REM1: variants seen among roughly 807,000 people sequenced by gnomAD.
REM1 encodes the protein GTP-binding protein REM 1.
Under a neutral mutation model 27.0 loss-of-function variants are expected in REM1, and 20 were observed. That is an observed-to-expected ratio of 0.74 (90% CI 0.52 to 1.08). REM1 has a LOEUF of 1.08. Ranked by LOEUF, REM1 falls within the 50% of genes least tolerant of loss-of-function variation. The pLI is 0.00. For missense variants in REM1, 405 were observed against 407.0 expected, an observed-to-expected ratio of 1.00 and a Z score of 0.04; for synonymous variants, 159 against 167.9, an observed-to-expected ratio of 0.95 and a Z score of 0.41.
intron 2 of REM1, 74 bp from the exon 3 acceptor site, chr20:31,477,754 T>C: frequency 9.0e-7 from 1 of 1,105,410 alleles, no homozygotes; most frequent in East Asian, 2.5e-5. Flanking sequence ...TGACCAGAAA[T>C]GGGGGGCAGG....
In REM1 at chr20:31,476,598, C is replaced by T. The variant is rs1457755856; in HGVS notation, c.153C>T (p.Ser51=). 3 of 1,614,018 alleles carry T rather than the reference C, an allele frequency of 1.9e-6. No homozygotes were observed. The highest frequency in any genetic ancestry group is 1.7e-5 in the Admixed American group (1 of 60,006). The change falls in exon 2 of 5, where the codon TCC becomes TCT. Residue 51 remains serine (S), a synonymous_variant. Coordinates refer to ENST00000201979, the MANE Select transcript of REM1 (RefSeq NM_014012.6). ...ATCCCCGGCTGGGCCAATCAGCCTCCCTCAACCCTCCCACCCAGAAACCTT... is the reference window on the plus strand; with the variant it reads ...ATCCCCGGCTGGGCCAATCAGCCTCTCTCAACCCTCCCACCCAGAAACCTT... The part of the protein sequence containing the change: ...SQHPRLGQSA[S]LNPPTQKPSP...
At chr20:31,484,054 C>T in intron 4 of REM1, 105 bp from the exon 5 acceptor site, 2 of 1,289,908 alleles carry the variant, frequency 1.6e-6, no homozygotes, top group African/African-American at 1.5e-5. Context: ...CAGGCATGAG[C>T]ACAGGAAAAA....
rs777780083 is a variant in REM1, at chr20:31,484,241, C to T, written c.708C>T (p.Phe236=). The change falls in exon 5 of 5, where the codon TTC becomes TTT. Residue 236 remains phenylalanine, a synonymous_variant. Transcript: ENST00000201979. ...ATLQHNVAEL[F]EGVVRQLRLR... ...TGCAGCACAATGTGGCCGAGCTCTT[C>T]GAGGGCGTGGTGCGCCAACTGCGCT... 18 of 1,606,396 alleles carry T rather than the reference C, an allele frequency of 1.1e-5. No homozygotes were observed. The highest frequency in any genetic ancestry group is 1.7e-6 in the Non-Finnish European group (2 of 1,177,618).
rs1290275656 is a variant in REM1, at chr20:31,484,404, T to C, written c.871T>C (p.Ser291Pro). 2 of 1,536,756 alleles carry C rather than the reference T, an allele frequency of 1.3e-6. No individual in the cohort carries two copies. Among genetic ancestry groups the C allele is most frequent in the Non-Finnish European group, 1.7e-6 (2 of 1,143,516 alleles). The change falls in exon 5 of 5, where the codon TCC becomes CCC. Residue 291 changes from serine to proline, a missense_variant. Physicochemically the swap from Ser to Pro is moderately conservative, Grantham distance 74 (BLOSUM62 -1). Coordinates refer to ENST00000201979, the MANE Select transcript of REM1 (RefSeq NM_014012.6). ...RRRALKARSK[S>P]CHNLAVL is the part of the protein sequence containing the mutation. ...CCGGGCACTCAAGGCCCGCTCCAAG[T>C]CCTGCCACAATCTGGCCGTGCTCTG...
Position 31,482,297 on chromosome 20 carries a change from G to A in REM1, c.434G>A (p.Trp145Ter), listed in dbSNP as rs758506484. 5 of 1,613,970 alleles carry A rather than the reference G, an allele frequency of 3.1e-6. No homozygotes were observed. The highest frequency in any genetic ancestry group is 2.2e-5 in the South Asian group (2 of 91,084). The stretch of plus-strand genomic sequence containing the variant: ...GTCCCTCTCCTGCAGGATAAAAGCT[G>A]GAGCCAGGAGTCATGCCTGCAGGGG... ...TWEAEKLDKS[W>*]SQESCLQGGS... The change falls in exon 4 of 5, where the codon TGG (tryptophan) becomes TAG (stop). Residue 145 changes from tryptophan to a stop codon, truncating the protein, a stop_gained. Coordinates refer to ENST00000201979, the MANE Select transcript of REM1 (RefSeq NM_014012.6). LOFTEE classifies it high-confidence loss of function.
rs376668582 is a variant in REM1, at chr20:31,482,252, C to T, written c.424-35C>T. 3.1e-6 allele frequency: 5 copies of T among 1,602,758 alleles called. No homozygotes were observed. The African/African-American group carries it at 4.0e-5, about 13-fold the overall frequency. ...CCTTCCTCAGCCAGGGCCTAGATACCCTCTGAGGATGGGTCTTGGGTCCCT... is the reference window on the plus strand; with the variant it reads ...CCTTCCTCAGCCAGGGCCTAGATACTCTCTGAGGATGGGTCTTGGGTCCCT... On this transcript the variant is annotated intron_variant, in intron 3 of 4. Coordinates refer to ENST00000201979, the MANE Select transcript of REM1 (RefSeq NM_014012.6).
rs2122463621 is a variant in REM1 at position 31,475,352 on chromosome 20, C to G, written c.-234C>G. On this transcript the variant is annotated 5_prime_UTR_variant, in exon 1 of 5. Coordinates refer to ENST00000201979, the MANE Select transcript of REM1 (RefSeq NM_014012.6). The surrounding 1 kb of genome is among the most constrained non-coding windows in gnomAD (Gnocchi z 5.0). ...GCTGGAGCTGCGAGGGACCCTGGAC[C>G]CCTCCCACGCCGAGGTAAAGCCCTG... 6.6e-6 allele frequency: 1 copy of G among 152,562 alleles called. No homozygotes were observed. The highest frequency in any genetic ancestry group is 3.4e-3 in the Middle Eastern group (1 of 296). 9.5% of individuals were successfully genotyped at this position (152,562 alleles called of 1,614,324 possible). A position where few individuals can be genotyped will look rare whatever the true frequency, so the allele number is the denominator to read the frequency against.
chr20:31,483,924 G>A (rs1437875500), intron 4 of REM1, among the ~76,000 whole-genome samples: 1 of 152,034 alleles, frequency 6.6e-6, no homozygotes, highest in Non-Finnish European at 1.5e-5. Flanking sequence ...AGGTAATTCC[G>A]ATCCACAGCA....
At chr20:31,482,203 AC>A in intron 3 of REM1, 83 bp from the exon 4 acceptor site, 1 of 1,282,208 alleles carries the variant, frequency 7.8e-7, no homozygotes, top group Non-Finnish European at 1.1e-6. Flanking sequence ...GCTGCATCCC[AC>A]CCATTAGACC....
In REM1 at chr20:31,476,713, G is replaced by C. The variant is rs748761238; in HGVS notation, c.268G>C (p.Gly90Arg). The C allele has an allele frequency of 2.5e-6, 4 of 1,614,084 alleles. No homozygotes were observed. Among genetic ancestry groups the C allele is most frequent in the Admixed American group, 1.7e-5 (1 of 60,016 alleles). ...LYRVVLLGDPGVGKTSLASLF... is the reference protein window; with the variant it reads ...LYRVVLLGDPRVGKTSLASLF... ...CCGTGTGGTGCTACTTGGAGATCCT[G>C]GAGTGGGGAAGACCAGCTTGGCCAG... Residue 90 changes from glycine (G) to arginine (R), a missense_variant, in exon 2 of 5, where the codon GGA (glycine) becomes CGA (arginine). Physicochemically the swap from Gly to Arg is moderately radical, Grantham distance 125 (BLOSUM62 -2). Transcript: ENST00000201979.
At chr20:31,482,832 CT>C (rs1255340996) in intron 4 of REM1, among the ~76,000 whole-genome samples, 1 of 152,200 alleles carries the variant, frequency 6.6e-6, no homozygotes, top group East Asian at 1.9e-4. Flanking sequence ...ATTTGCACTT[CT>C]TAAAAATTCC....
chr20:31,477,148 T>TA (rs1230440874), intron 2 of REM1, among the ~76,000 whole-genome samples: 1 of 152,066 alleles, frequency 6.6e-6, no homozygotes, highest in East Asian at 1.9e-4. Flanking sequence ...CTCTGACTCT[T>TA]AGATTCTCCC....
rs1459036122 is a variant in REM1 at position 31,476,687 on chromosome 20, A to T, written c.242A>T (p.Tyr81Phe). Residue 81 changes from tyrosine (Y) to phenylalanine (F), a missense_variant, in exon 2 of 5, where the codon TAC becomes TTC. Coordinates refer to ENST00000201979, the MANE Select transcript of REM1 (RefSeq NM_014012.6). ...TCTGAAGGCTCCTGGGAGGCTCTCTACCGTGTGGTGCTACTTGGAGATCCT... is the reference window on the plus strand; with the variant it reads ...TCTGAAGGCTCCTGGGAGGCTCTCTTCCGTGTGGTGCTACTTGGAGATCCT... Reference protein sequence around the residue: ...SDSEGSWEALYRVVLLGDPGV... With the variant: ...SDSEGSWEALFRVVLLGDPGV... 1 of 1,613,898 alleles carries T rather than the reference A, an allele frequency of 6.2e-7. No homozygotes were observed. The highest frequency in any genetic ancestry group is 1.1e-5 in the South Asian group (1 of 91,076).
Position 31,484,139 on chromosome 20 carries a change from G to A in REM1, c.626-20G>A, listed in dbSNP as rs764396955. 1.2e-5 allele frequency: 19 copies of A among 1,548,930 alleles called. No individual in the cohort carries two copies. In the South Asian group the frequency reaches 2.2e-4, roughly 18 times the overall value. ...TTCCGTTATGGCTCCACCCCTCCTC[G>A]CCGGGCCCCGCCCCCTTAGAGGGCC... On this transcript the variant is annotated intron_variant, in intron 4 of 4. Coordinates refer to ENST00000201979, the MANE Select transcript of REM1 (RefSeq NM_014012.6).
rs942914061 is a variant in REM1 at position 31,475,338 on chromosome 20, G to A, written c.-248G>A. 1 of 152,474 alleles carries A rather than the reference G, an allele frequency of 6.6e-6. No individual in the cohort carries two copies. The highest frequency in any genetic ancestry group is 2.4e-5 in the African/African-American group (1 of 41,478). The allele number at this position is 152,474 out of a possible 1,614,324, so 9.4% of individuals were successfully genotyped here. A position where few individuals can be genotyped will look rare whatever the true frequency, so the allele number is the denominator to read the frequency against. On this transcript the variant is annotated 5_prime_UTR_variant, in exon 1 of 5. Transcript: ENST00000201979. The surrounding 1 kb of genome is among the most constrained non-coding windows in gnomAD (Gnocchi z 5.0). ...TGGAGCATCCAGCCGCTGGAGCTGC[G>A]AGGGACCCTGGACCCCTCCCACGCC...
At position 31,476,537 on chromosome 20, in the gene REM1, G is replaced by T. The variant is rs761200099; in HGVS notation, c.92G>T (p.Gly31Val). The T allele has an allele frequency of 1.2e-6, 2 of 1,614,112 alleles. No individual in the cohort carries two copies. Among genetic ancestry groups the T allele is most frequent in the Non-Finnish European group, 8.5e-7 (1 of 1,180,002 alleles). ...CTGTCCCCACGGGGCCACCAGCCTG[G>T]CCGCCTGAGCACAGTGCCTTCCACT... ...LPLSPRGHQP[G>V]RLSTVPSTQS... is the part of the protein sequence containing the mutation. Residue 31 changes from glycine to valine, a missense_variant, in exon 2 of 5, where the codon GGC (glycine) becomes GTC (valine). Coordinates refer to ENST00000201979, the MANE Select transcript of REM1 (RefSeq NM_014012.6).
intron 3 of REM1, among the ~76,000 whole-genome samples, chr20:31,478,520 A>T (rs1400172186): frequency 6.6e-6 from 1 of 152,240 alleles, no homozygotes; most frequent in Non-Finnish European, 1.5e-5. Flanking sequence ...AGACAGCAGT[A>T]GGCAGGAATA....
In REM1 at chr20:31,484,187, C is replaced by T. The variant is rs746534682; in HGVS notation, c.654C>T (p.Asp218=). The change falls in exon 5 of 5, where the codon GAC becomes GAT. Residue 218 remains aspartate, a synonymous_variant. Transcript: ENST00000201979. ...EEGRACAVVF[D]CKFIETSATL... ...GCCGCGCCTGCGCTGTGGTGTTCGA[C>T]TGTAAATTCATCGAGACATCCGCCA... 6.2e-6 allele frequency: 10 copies of T among 1,605,974 alleles called. No homozygotes were observed. The highest frequency in any genetic ancestry group is 8.5e-6 in the Non-Finnish European group (10 of 1,176,036).
Position 31,482,481 on chromosome 20 carries a change from T to G in REM1, c.618T>G (p.Ser206=). Residue 206 remains serine (S), a synonymous_variant, in exon 4 of 5, where the codon TCT becomes TCG. Transcript: ENST00000201979. ...KADLARCREV[S]VEEGRACAVV... is the part of the protein sequence containing the mutation. The stretch of plus-strand genomic sequence containing the variant: ...ACTTGGCCCGCTGCCGAGAAGTCTC[T>G]GTGGAAGGTGAGCCCTCCATCCCAC... The G allele has an allele frequency of 6.2e-7, 1 of 1,614,042 alleles. No homozygotes were observed. Among genetic ancestry groups the G allele is most frequent in the South Asian group, 1.1e-5 (1 of 91,070 alleles).
Sources: allele counts gnomAD v4.1 joint callset (sites outside exome capture counted in the v4.1 genomes callset), GRCh38; gene constraint gnomAD v4.1.1; non-coding constraint Gnocchi (gnomAD v3.1); transcripts MANE v1.5; gene names NCBI Gene and HGNC (gene_info 2026-07-23, HGNC 2026-07-21).